The following FES variants were observed in gnomAD, a reference collection of about 807,000 sequenced individuals.
FES encodes tyrosine-protein kinase Fes/Fps.
A neutral mutation model predicts 109.6 loss-of-function variants in FES; 83 were observed. The ratio of observed to expected loss-of-function variants is 0.76; its 90% CI spans 0.63 to 0.91. The LOEUF is 0.91. FES is among the 40% of genes least tolerant of loss of function. The probability of loss-of-function intolerance (pLI) is 0.00; values close to 1 mark genes in which losing one functional copy is unlikely to be tolerated. For synonymous variants in FES, 458 were observed against 442.1 expected (o/e 1.04, Z -0.45); for missense variants, 943 against 1,070.9 (o/e 0.88, Z 1.67).
In FES at chr15:90,889,617, G is replaced by C; in HGVS notation, c.907G>C (p.Val303Leu). 6.2e-7 allele frequency: 1 copy of C among 1,613,446 alleles called. No individual in the cohort carries two copies. The highest frequency in any genetic ancestry group is 1.7e-4 in the Middle Eastern group (1 of 6,060). ...PGELQLNELT[V>L]ESVQHTLTSV... ...GGAGCTCCAGCTGAACGAGCTGACT[G>C]TGGAGAGCGTGCAGCACACGTGGGT... Residue 303 changes from valine to leucine, a missense_variant, in exon 7 of 19, where the codon GTG (valine) becomes CTG (leucine). Physicochemically the swap from Val to Leu is conservative, Grantham distance 32 (BLOSUM62 1). Coordinates refer to ENST00000328850, the MANE Select transcript of FES (RefSeq NM_002005.4). The surrounding 1 kb of genome is among the most constrained non-coding windows in gnomAD (Gnocchi z 6.1).
chr15:90,895,588 C>T lies in FES; in HGVS notation c.*30C>T, dbSNP rs2033637915. 6.6e-7 allele frequency: 1 copy of T among 1,515,920 alleles called. No individual in the cohort carries two copies. Among genetic ancestry groups the T allele is most frequent in the African/African-American group, 1.4e-5 (1 of 71,644 alleles). The allele number at this position is 1,515,920 out of a possible 1,614,324, so 93.9% of individuals were successfully genotyped here. ...GGGACCCCCTTCTCAAGCTGGTGGC[C>T]TCTGCAGGCCTAGGTGCAGCTCCTC... On this transcript the variant is annotated 3_prime_UTR_variant, in exon 19 of 19. Coordinates refer to ENST00000328850, the MANE Select transcript of FES (RefSeq NM_002005.4).
chr15:90,895,541 C>T lies in FES; in HGVS notation c.2452C>T (p.Arg818Ter), dbSNP rs201048830. 1.6e-5 allele frequency: 26 copies of T among 1,586,270 alleles called. No homozygotes were observed. Among genetic ancestry groups the T allele is most frequent in the African/African-American group, 6.8e-5 (5 of 74,050 alleles). The change falls in exon 19 of 19, where the codon CGA (arginine) becomes TGA (stop). Residue 818 changes from arginine (R) to a stop codon, truncating the protein, a stop_gained. Coordinates refer to ENST00000328850, the MANE Select transcript of FES (RefSeq NM_002005.4). LOFTEE classifies it high-confidence loss of function. Reference sequence around the variant, plus strand: ...CATCTACCAGGAGCTGCAGAGCATCCGAAAGCGGCATCGGTGAGGCTGGGA... The same window carrying T: ...CATCTACCAGGAGCTGCAGAGCATCTGAAAGCGGCATCGGTGAGGCTGGGA... Reference protein sequence around the residue: ...STIYQELQSIRKRHR With the variant: ...STIYQELQSI
intron 12 of FES, 116 bp from the exon 13 acceptor site, chr15:90,891,940 ACG>A: frequency 1.6e-6 from 2 of 1,263,666 alleles, no homozygotes; most frequent in South Asian, 1.3e-5. Flanking sequence ...TGTGCTCCCC[ACG>A]TGGTCCCACC....
Position 90,893,678 on chromosome 15 carries a change from G to C in FES, c.2070G>C (p.Leu690=), listed in dbSNP as rs1407191202. 1.2e-6 allele frequency: 2 copies of C among 1,605,310 alleles called. No individual in the cohort carries two copies. The highest frequency in any genetic ancestry group is 1.7e-5 in the Admixed American group (1 of 59,042). The change falls in exon 17 of 19, where the codon CTG becomes CTC. Residue 690 remains leucine (L), a synonymous_variant. Coordinates refer to ENST00000328850, the MANE Select transcript of FES (RefSeq NM_002005.4). ...IHRDLAARNC[L]VTEKNVLKIS... ...GGGACCTGGCTGCTCGGAACTGCCT[G>C]GTGACAGAGAAGAATGTCCTGAAGA...
At chr15:90,887,447 C>T in intron 5 of FES, 77 bp downstream of exon 5, 3 of 1,420,898 alleles carry the variant, frequency 2.1e-6, no homozygotes, top group Non-Finnish European at 2.8e-6. Flanking sequence ...GAGGCAGGAC[C>T]CAGAAAATCC....
intron 3 of FES, 67 bp downstream of exon 3, chr15:90,885,652 G>T: frequency 6.5e-7 from 1 of 1,549,236 alleles, no homozygotes; most frequent in South Asian, 1.2e-5. Flanking sequence ...GGGTTGTTTT[G>T]CACAAGAGGC....
chr15:90,890,725 T>C (rs192326321), intron 10 of FES, among the ~76,000 whole-genome samples: 3 of 149,204 alleles, frequency 2.0e-5, no homozygotes, highest in African/African-American at 4.9e-5. Context: ...CAGGAGCGGG[T>C]TGGGGGCCTG....
At chr15:90,891,463 C>T in intron 11 of FES, 91 bp from the exon 12 acceptor site, 1 of 1,562,416 alleles carries the variant, frequency 6.4e-7, no homozygotes, top group Non-Finnish European at 8.8e-7. Flanking sequence ...CTGGGCAGGC[C>T]CTTTCTCCCC....
In FES at chr15:90,889,075, C is replaced by T. The variant is rs114789313; in HGVS notation, c.669-231C>T. 4.7e-4 allele frequency: 267 copies of T among 565,748 alleles called. 1 individual carries two copies. Among genetic ancestry groups the T allele is most frequent in the African/African-American group, 4.6e-3 (245 of 53,504 alleles). 35.0% of individuals were successfully genotyped at this position (565,748 alleles called of 1,614,324 possible). ...GTGTTGGTATTATAGGCGTGAGCCA[C>T]TGTGCCTGGCCCACTGGATCCTTAT... On this transcript the variant is annotated intron_variant, in intron 5 of 18. Coordinates refer to ENST00000328850, the MANE Select transcript of FES (RefSeq NM_002005.4). This position sits in a 1 kb window ranked among gnomAD's most constrained non-coding sequence, Gnocchi z 6.1.
At chr15:90,885,645 T>C (rs1174494754) in intron 3 of FES, 60 bp downstream of exon 3, 13 of 1,566,870 alleles carry the variant, frequency 8.3e-6, no homozygotes, top group African/African-American at 2.7e-5. Flanking sequence ...CTCGAAGGGG[T>C]TGTTTTGCAC....
Position 90,889,652 on chromosome 15 carries a change from G to C in FES, c.926+16G>C, listed in dbSNP as rs2033004766. 6.2e-7 allele frequency: 1 copy of C among 1,612,222 alleles called. No individual in the cohort carries two copies. The highest frequency in any genetic ancestry group is 2.2e-5 in the East Asian group (1 of 44,868). On this transcript the variant is annotated intron_variant, in intron 7 of 18. Coordinates refer to ENST00000328850, the MANE Select transcript of FES (RefSeq NM_002005.4). The surrounding 1 kb of genome is among the most constrained non-coding windows in gnomAD (Gnocchi z 6.1). Reference sequence around the variant, plus strand: ...TGCAGCACACGTGGGTGGTGGCTTTGCACCTGGGCTGCGGCGGGGCTCCCA... The same window carrying C: ...TGCAGCACACGTGGGTGGTGGCTTTCCACCTGGGCTGCGGCGGGGCTCCCA...
At chr15:90,888,700 A>G (rs191198064) in intron 5 of FES, among the ~76,000 whole-genome samples, 3 of 152,300 alleles carry the variant, frequency 2.0e-5, no homozygotes, top group Admixed American at 1.3e-4. Flanking sequence ...TAACTTATGT[A>G]GGGAAGGCTG....
rs1567093432 is a variant in FES, at chr15:90,887,061, C to T, written c.484+4C>T. On this transcript the variant is annotated splice_donor_region_variant and intron_variant, in intron 4 of 18. Transcript: ENST00000328850. Reference sequence around the variant, plus strand: ...AAGTACCAGGAGGCCAGCAAAGGTTCGTGGCTTCCCTTGCTGGCAGGGAGG... The same window carrying T: ...AAGTACCAGGAGGCCAGCAAAGGTTTGTGGCTTCCCTTGCTGGCAGGGAGG... 3.1e-6 allele frequency: 5 copies of T among 1,613,824 alleles called. No individual in the cohort carries two copies. The highest frequency in any genetic ancestry group is 2.2e-5 in the East Asian group (1 of 44,898).
chr15:90,892,504 G>C (rs1039121381), intron 13 of FES: 12 of 586,652 alleles, frequency 2.0e-5, no homozygotes, highest in Non-Finnish European at 3.7e-5. Context: ...CTCTCAGGAA[G>C]GGTGGCACAT....
At position 90,889,310 on chromosome 15, in the gene FES, G is replaced by A. The variant is rs1156578194; in HGVS notation, c.673G>A (p.Glu225Lys). 1.2e-6 allele frequency: 2 copies of A among 1,613,384 alleles called. No homozygotes were observed. Among genetic ancestry groups the A allele is most frequent in the Non-Finnish European group, 1.7e-6 (2 of 1,179,900 alleles). Residue 225 changes from glutamate (E) to lysine (K), a missense_variant, in exon 6 of 19, where the codon GAG becomes AAG. By Grantham distance (56) the Glu-to-Lys change is moderately conservative. Coordinates refer to ENST00000328850, the MANE Select transcript of FES (RefSeq NM_002005.4). The surrounding 1 kb of genome is among the most constrained non-coding windows in gnomAD (Gnocchi z 6.1). The stretch of plus-strand genomic sequence containing the variant: ...GGGATCCCGTCTCGGGGGCAGGAAG[G>A]AGATCCTGCAGGAATACCTGGAGAT... Reference protein sequence around the residue: ...LHEEMACILKEILQEYLEISS... With the variant: ...LHEEMACILKKILQEYLEISS...
chr15:90,891,588 G>A lies in FES; in HGVS notation c.1565G>A (p.Ser522Asn). ...LYRLEGEGFP[S>N]IPLLIDHLLS... ...CGACTGGAAGGGGAAGGCTTTCCTA[G>A]CATTCCTTTGCTCATCGACCACCTA... The change falls in exon 12 of 19, where the codon AGC becomes AAC. Residue 522 changes from serine (S) to asparagine (N), a missense_variant. Transcript: ENST00000328850. 6.2e-7 allele frequency: 1 copy of A among 1,613,810 alleles called. No individual in the cohort carries two copies. Among genetic ancestry groups the A allele is most frequent in the Non-Finnish European group, 8.5e-7 (1 of 1,179,900 alleles).
At chr15:90,888,128 C>T (rs1486434127) in intron 5 of FES, among the ~76,000 whole-genome samples, 1 of 152,098 alleles carries the variant, frequency 6.6e-6, no homozygotes, top group African/African-American at 2.4e-5. Flanking sequence ...TTTTTTGAGT[C>T]AGAGTCTCGC....
chr15:90,894,301 T>C (rs944887739), intron 18 of FES, among the ~76,000 whole-genome samples: 1 of 151,634 alleles, frequency 6.6e-6, no homozygotes, highest in Non-Finnish European at 1.5e-5. Context: ...AATACAAAAA[T>C]AGACTGGGCA....
rs200859239 is a variant in FES, at chr15:90,892,722, G to C, written c.1723G>C (p.Val575Leu). Residue 575 changes from valine to leucine, a missense_variant, in exon 14 of 19, where the codon GTG becomes CTG. Transcript: ENST00000328850. ...ACCGTTTCAGGGGAACTTTGGCGAA[G>C]TGTTCAGCGGACGCCTGCGAGCCGA... The part of the protein sequence containing the change: ...EQIGRGNFGE[V>L]FSGRLRADNT... The C allele has an allele frequency of 7.5e-6, 12 of 1,610,372 alleles. No homozygotes were observed. Among genetic ancestry groups the C allele is most frequent in the Non-Finnish European group, 1.0e-5 (12 of 1,178,456 alleles).
Sources: allele counts gnomAD v4.1 joint callset (sites outside exome capture counted in the v4.1 genomes callset), GRCh38; gene constraint gnomAD v4.1.1; non-coding constraint Gnocchi (gnomAD v3.1); transcripts MANE v1.5; gene names NCBI Gene and HGNC (gene_info 2026-07-23, HGNC 2026-07-21).